Variants in TFR2 observed in about 807,000 individuals in gnomAD.
The protein encoded by TFR2 is transferrin receptor 2, also known as transferrin receptor protein 2.
TFR2 carries 64 observed loss-of-function variants against 91.9 expected under a neutral mutation model. The observed-to-expected ratio is 0.70, with a 90% CI of 0.57 to 0.86. The LOEUF (loss-of-function observed/expected upper bound fraction) is 0.86, where lower values mean the gene tolerates loss of function less well. Among genes scored for constraint, TFR2 ranks in the 40% least tolerant of loss-of-function variants. TFR2 has a pLI of 0.00. For missense variants in TFR2, 950 were observed against 1,080.5 expected (o/e 0.88, Z 1.69); for synonymous variants, 454 against 459.6 (o/e 0.99, Z 0.15).
rs1247284814 is a variant in TFR2 at position 100,633,500 on chromosome 7, T to G, written c.530A>C (p.Gln177Pro). 3.7e-6 allele frequency: 6 copies of G among 1,611,260 alleles called. No homozygotes were observed. The highest frequency in any genetic ancestry group is 5.1e-6 in the Non-Finnish European group (6 of 1,179,856). The change falls in exon 4 of 18, where the codon CAG (glutamine) becomes CCG (proline). Residue 177 changes from glutamine to proline, a missense_variant. Transcript: ENST00000223051. The stretch of plus-strand genomic sequence containing the variant: ...GCGGGAGAGCGCCGCGCGAATGTCC[T>G]GAGTCAGAGCGGCCATCCCGGCCGA... ...AGSAGMAALT[Q>P]DIRAALSRQK...
At chr7:100,623,673 C>T (rs1803173881) in intron 17 of TFR2, among the ~76,000 whole-genome samples, 1 of 151,892 alleles carries the variant, frequency 6.6e-6, no homozygotes, top group Non-Finnish European at 1.5e-5. Context: ...GTCCCAGCTA[C>T]TCAGGAGGCC....
intron 9 of TFR2, among the ~76,000 whole-genome samples, 172 bp downstream of exon 9, chr7:100,630,717 G>A (rs1803407803): frequency 6.6e-6 from 1 of 152,200 alleles, no homozygotes; most frequent in African/African-American, 2.4e-5. Flanking sequence ...TCTGTTCACT[G>A]CTGCCACCAT....
At chr7:100,627,140 T>G (rs1584455860) in intron 16 of TFR2, 124 bp downstream of exon 16, 1 of 1,274,656 alleles carries the variant, frequency 7.8e-7, no homozygotes, top group Non-Finnish European at 1.1e-6. Context: ...AGGCAGGGGG[T>G]TAATGGGCTG....
intron 6 of TFR2, 75 bp downstream of exon 6, chr7:100,632,926 C>T: frequency 6.2e-7 from 1 of 1,612,082 alleles, no homozygotes; most frequent in Non-Finnish European, 8.5e-7. Context: ...CTCACAGCAC[C>T]CTGAACGATT....
At chr7:100,628,640 G>A (rs939879047) in intron 10 of TFR2, among the ~76,000 whole-genome samples, 23 of 151,970 alleles carry the variant, frequency 1.5e-4, no homozygotes, top group Non-Finnish European at 1.2e-4. Context: ...GGTCTCCAGC[G>A]ATTCTCCTGT....
chr7:100,626,817 G>A lies in TFR2; in HGVS notation c.2082C>T (p.Ser694=). 1 of 1,549,418 alleles carries A rather than the reference G, an allele frequency of 6.5e-7. No individual in the cohort carries two copies. Among genetic ancestry groups the A allele is most frequent in the Non-Finnish European group, 8.7e-7 (1 of 1,146,952 alleles). Residue 694 remains serine, a synonymous_variant, in exon 17 of 18, where the codon AGC becomes AGT. Coordinates refer to ENST00000223051, the MANE Select transcript of TFR2 (RefSeq NM_003227.4). ...TCAGTCGCTCGTCTCTCTCCTCCGA[G>A]CTGTAGATCTCCTGCCGCAGCTTTT... The part of the protein sequence containing the change: ...AAEKLRQEIY[S]SEERDERLTR...
intron 17 of TFR2, among the ~76,000 whole-genome samples, chr7:100,621,843 C>T (rs1584452472): frequency 1.3e-5 from 2 of 152,308 alleles, no homozygotes; most frequent in East Asian, 1.9e-4. Context: ...GACCTAATCT[C>T]CTCCCTCCTT....
chr7:100,633,145 G>A (rs1366159794), intron 5 of TFR2, 22 bp from the exon 6 acceptor site: 1 of 1,613,200 alleles, frequency 6.2e-7, no homozygotes, highest in Admixed American at 1.7e-5. Context: ...AGGACGGTGA[G>A]GCGCGCTCCC....
rs1051495079 is a variant in TFR2 at position 100,638,259 on chromosome 7, T to C, written c.473+2427A>G. On this transcript the variant is annotated intron_variant, in intron 3 of 17. Coordinates refer to ENST00000223051, the MANE Select transcript of TFR2 (RefSeq NM_003227.4). ...ACCTCATGATCTGCCCACCTCGGCC[T>C]CCCAAAGTGCTGGGATTACAGGTGT... Among the ~76,000 whole-genome samples, 41 of 151,232 alleles carry C rather than the reference T, an allele frequency of 2.7e-4. 1 individual carries two copies. The highest frequency in any genetic ancestry group is 1.5e-5 in the Non-Finnish European group (1 of 67,780).
chr7:100,633,312 C>T lies in TFR2; in HGVS notation c.643G>A (p.Asp215Asn). ...PAHPNTLHWV[D>N]EAGKVGEQLP... ...TGCTCTCCGACCTTCCCGGCCTCATCGACCCAGTGCAGGGTGTTGGGGTGA... is the reference window on the plus strand; with the variant it reads ...TGCTCTCCGACCTTCCCGGCCTCATTGACCCAGTGCAGGGTGTTGGGGTGA... Residue 215 changes from aspartate (D) to asparagine (N), a missense_variant, in exon 5 of 18, where the codon GAT (aspartate) becomes AAT (asparagine). Coordinates refer to ENST00000223051, the MANE Select transcript of TFR2 (RefSeq NM_003227.4). 6.2e-7 allele frequency: 1 copy of T among 1,613,622 alleles called. No homozygotes were observed. Among genetic ancestry groups the T allele is most frequent in the Non-Finnish European group, 8.5e-7 (1 of 1,179,836 alleles).
At chr7:100,638,699 C>T (rs1046062593) in intron 3 of TFR2, among the ~76,000 whole-genome samples, 1 of 151,254 alleles carries the variant, frequency 6.6e-6, no homozygotes, top group Non-Finnish European at 1.5e-5. Context: ...TGCCATGAGC[C>T]GAGATCGCAC....
At chr7:100,626,647 C>T in intron 17 of TFR2, 116 bp downstream of exon 17, 1 of 1,494,044 alleles carries the variant, frequency 6.7e-7, no homozygotes, top group South Asian at 1.3e-5. Flanking sequence ...ATCCAGAGGA[C>T]CGGGACTGTG....
intron 3 of TFR2, among the ~76,000 whole-genome samples, chr7:100,638,909 C>CA (rs1562844336): frequency 6.6e-6 from 1 of 151,802 alleles, no homozygotes; most frequent in South Asian, 2.1e-4. Flanking sequence ...GGCCCTATCT[C>CA]AAAAAAATAA....
At position 100,632,097 on chromosome 7, in the gene TFR2, CT is replaced by C; in HGVS notation, c.950del (p.Gln317ArgfsTer52). 6.2e-7 allele frequency: 1 copy of C among 1,614,206 alleles called. No individual in the cohort carries two copies. Among genetic ancestry groups the C allele is most frequent in the South Asian group, 1.1e-5 (1 of 91,090 alleles). ...DPPKPSLSSQQAVYGHVHLGT... is the reference protein window; with the variant it reads ...DPPKPSLSSQXAVYGHVHLGT... ...CCAGACTCACATGTCCATACACTGC[CT>C]GCTGGCTGGACAGGCTTGGCTTGGG... On this transcript the variant is annotated frameshift_variant, in exon 7 of 18. Coordinates refer to ENST00000223051, the MANE Select transcript of TFR2 (RefSeq NM_003227.4). LOFTEE classifies it high-confidence loss of function.
rs1389496076 is a variant in TFR2, at chr7:100,627,225, C to G, written c.1995+39G>C. 3 of 1,540,980 alleles carry G rather than the reference C, an allele frequency of 1.9e-6. No individual in the cohort carries two copies. The South Asian group carries it at 3.6e-5, about 18-fold the overall frequency. On this transcript the variant is annotated intron_variant, in intron 16 of 17. Transcript: ENST00000223051. ...GACCCCCTGGCCTGGGCAGTGCCTC[C>G]CACTCCCAGAGACCAAGAGCGGGGT...
Position 100,630,912 on chromosome 7 carries a change from C to T in TFR2, c.1247G>A (p.Cys416Tyr), listed in dbSNP as rs1278891673. Residue 416 changes from cysteine (C) to tyrosine (Y), a missense_variant, in exon 9 of 18, where the codon TGC becomes TAC. Coordinates refer to ENST00000223051, the MANE Select transcript of TFR2 (RefSeq NM_003227.4). Reference sequence around the variant, plus strand: ...ACCTGGCTCTGAGCGGCCTTCGATGCAGCCGAAGATGTTGTTGATGGGGGT... The same window carrying T: ...ACCTGGCTCTGAGCGGCCTTCGATGTAGCCGAAGATGTTGTTGATGGGGGT... ...TSTPINNIFG[C>Y]IEGRSEPDHY... is the part of the protein sequence containing the mutation. 1.9e-6 allele frequency: 3 copies of T among 1,612,974 alleles called. No individual in the cohort carries two copies. The highest frequency in any genetic ancestry group is 2.5e-6 in the Non-Finnish European group (3 of 1,179,862).
chr7:100,631,680 G>T, intron 8 of TFR2, 126 bp downstream of exon 8: 2 of 1,319,808 alleles, frequency 1.5e-6, no homozygotes, highest in Non-Finnish European at 2.1e-6. Context: ...CAGTGGTGTA[G>T]TCATGGCTCA....
chr7:100,628,017 C>T lies in TFR2; in HGVS notation c.1538-43G>A, dbSNP rs202043407. The T allele has an allele frequency of 1.4e-4, 231 of 1,614,094 alleles. No homozygotes were observed. The African/African-American group carries it at 2.9e-3, about 20-fold the overall frequency. ...GAGGGATGCCAGGCTCAGGGCTCAG[C>T]CCCAGAGGCAAGGGTGGACCCCAGG... On this transcript the variant is annotated intron_variant, in intron 12 of 17. Transcript: ENST00000223051.
intron 3 of TFR2, among the ~76,000 whole-genome samples, chr7:100,634,449 C>T (rs1447401104): frequency 6.6e-6 from 1 of 152,104 alleles, no homozygotes; most frequent in Non-Finnish European, 1.5e-5. Context: ...GACGAGAAGT[C>T]TTGCTGTGTT....
Sources: allele counts gnomAD v4.1 joint callset (sites outside exome capture counted in the v4.1 genomes callset), GRCh38; gene constraint gnomAD v4.1.1; transcripts MANE v1.5; gene names NCBI Gene and HGNC (gene_info 2026-07-23, HGNC 2026-07-21).